The following ZNF264 variants were observed in gnomAD, a reference collection of about 807,000 sequenced individuals.
The protein encoded by ZNF264 is zinc finger protein 264.
ZNF264 carries 11 observed loss-of-function variants against 11.2 expected under a neutral mutation model. The observed-to-expected ratio is 0.98, with a 90% CI of 0.62 to 1.63. The LOEUF (loss-of-function observed/expected upper bound fraction) is 1.63. ZNF264 is among the 40% of genes most tolerant of loss of function. The pLI is 0.00. For synonymous variants in ZNF264, 309 were observed against 279.8 expected, an observed-to-expected ratio of 1.10 and a Z score of -1.04; for missense variants, 752 against 768.1, an observed-to-expected ratio of 0.98 and a Z score of 0.25.
Position 57,213,579 on chromosome 19 carries a change from A to G in ZNF264, c.*598A>G, listed in dbSNP as rs1599956170. 6.6e-6 allele frequency: 1 copy of G among 152,152 alleles called. No homozygotes were observed. Among genetic ancestry groups the G allele is most frequent in the African/African-American group, 2.4e-5 (1 of 41,424 alleles). The allele number at this position is 152,152 out of a possible 1,614,324, so 9.4% of individuals were successfully genotyped here. On this transcript the variant is annotated 3_prime_UTR_variant, in exon 4 of 4. Coordinates refer to ENST00000263095, the MANE Select transcript of ZNF264 (RefSeq NM_003417.5). ...CATTGTAGCCATATGGTAAATTTTT[A>G]TTTGTTAAATTTTTAAAAATTACTT...
At position 57,212,629 on chromosome 19, in the gene ZNF264, A is replaced by G. The variant is rs759169474; in HGVS notation, c.1532A>G (p.Tyr511Cys). ...HKRIHSGEKP[Y>C]ECVECGKSFC... is the part of the protein sequence containing the mutation. Reference sequence around the variant, plus strand: ...CGGATTCATAGTGGAGAGAAGCCCTATGAATGTGTTGAGTGTGGGAAATCG... The same window carrying G: ...CGGATTCATAGTGGAGAGAAGCCCTGTGAATGTGTTGAGTGTGGGAAATCG... Residue 511 changes from tyrosine to cysteine, a missense_variant, in exon 4 of 4, where the codon TAT (tyrosine) becomes TGT (cysteine). Coordinates refer to ENST00000263095, the MANE Select transcript of ZNF264 (RefSeq NM_003417.5). 16 of 1,613,918 alleles carry G rather than the reference A, an allele frequency of 9.9e-6. No homozygotes were observed. The East Asian group carries it at 2.0e-4, about 20-fold the overall frequency.
chr19:57,195,443 C>T (rs761897114), intron 2 of ZNF264, among the ~76,000 whole-genome samples: 2 of 152,228 alleles, frequency 1.3e-5, no homozygotes, highest in East Asian at 1.9e-4. Flanking sequence ...TGACTACCTT[C>T]TTCTCCTGCA....
At chr19:57,199,697 C>G (rs762308369) in intron 2 of ZNF264, among the ~76,000 whole-genome samples, 19 of 151,866 alleles carry the variant, frequency 1.3e-4, no homozygotes, top group Admixed American at 3.9e-4. Context: ...TTAGAAAACT[C>G]AATTCAAGTG....
chr19:57,210,419 TTA>T (rs768198825), intron 3 of ZNF264, among the ~76,000 whole-genome samples: 9 of 152,342 alleles, frequency 5.9e-5, no homozygotes, highest in Non-Finnish European at 1.2e-4. Context: ...AAAACCTGTT[TTA>T]GTTACAGTCA....
Position 57,221,024 on chromosome 19 carries a change from GA to G in ZNF264, c.*8044del, listed in dbSNP as rs1328105458. 6.6e-6 allele frequency: 1 copy of G among 152,224 alleles called. No homozygotes were observed. Among genetic ancestry groups the G allele is most frequent in the African/African-American group, 2.4e-5 (1 of 41,398 alleles). The allele number at this position is 152,224 out of a possible 1,614,324, so 9.4% of individuals were successfully genotyped here. ...GGTGGTACCATGTATGACATACCTT[GA>G]CCTCAAAGATAATCTACCTGGGCTT... On this transcript the variant is annotated 3_prime_UTR_variant, in exon 4 of 4. Transcript: ENST00000263095.
chr19:57,215,362 TTC>T lies in ZNF264; in HGVS notation c.*2383_*2384del, dbSNP rs1272734781. On this transcript the variant is annotated 3_prime_UTR_variant, in exon 4 of 4. Coordinates refer to ENST00000263095, the MANE Select transcript of ZNF264 (RefSeq NM_003417.5). ...ATTCTTTTGATAGCAGGATCTGCAC[TTC>T]TTTTTATTTTTAATATTTAAAATGT... The T allele has an allele frequency of 2.0e-5, 3 of 152,230 alleles. No individual in the cohort carries two copies. Among genetic ancestry groups the T allele is most frequent in the Non-Finnish European group, 2.9e-5 (2 of 68,046 alleles). 9.4% of individuals were successfully genotyped at this position (152,230 alleles called of 1,614,324 possible).
rs145421065 is a variant in ZNF264, at chr19:57,212,552, C to T, written c.1455C>T (p.Cys485=). 6.2e-6 allele frequency: 10 copies of T among 1,613,898 alleles called. No homozygotes were observed. The highest frequency in any genetic ancestry group is 2.7e-5 in the African/African-American group (2 of 74,856). Residue 485 remains cysteine, a synonymous_variant, in exon 4 of 4, where the codon TGC becomes TGT. Coordinates refer to ENST00000263095, the MANE Select transcript of ZNF264 (RefSeq NM_003417.5). ...ACACTGGAGAGAAGCCCTATGAGTG[C>T]GTGGAGTGTGGAAAGGCCTTCACCC... ...SIHTGEKPYE[C]VECGKAFTRM...
At position 57,191,849 on chromosome 19, in the gene ZNF264, A is replaced by T; in HGVS notation, c.-65A>T. On this transcript the variant is annotated 5_prime_UTR_variant, in exon 1 of 4. Coordinates refer to ENST00000263095, the MANE Select transcript of ZNF264 (RefSeq NM_003417.5). ...CGGGCAACCGGCCAGGGTCGGGCAC[A>T]GGTGGGGTCCGTCAGGCCGCCCGGG... The T allele has an allele frequency of 8.1e-7, 1 of 1,230,994 alleles. No homozygotes were observed. The highest frequency in any genetic ancestry group is 1.0e-6 in the Non-Finnish European group (1 of 972,422). 76.3% of individuals were successfully genotyped at this position (1,230,994 alleles called of 1,614,324 possible).
rs202170718 is a variant in ZNF264 at position 57,212,021 on chromosome 19, A to G, written c.924A>G (p.Arg308=). The change falls in exon 4 of 4, where the codon AGA becomes AGG. Residue 308 remains arginine, a synonymous_variant. Coordinates refer to ENST00000263095, the MANE Select transcript of ZNF264 (RefSeq NM_003417.5). ...HRSNFVLHNR[R]HTGEKSFVCT... Reference sequence around the variant, plus strand: ...CCAATTTTGTCTTGCATAACAGGAGACACACTGGAGAAAAATCCTTTGTGT... The same window carrying G: ...CCAATTTTGTCTTGCATAACAGGAGGCACACTGGAGAAAAATCCTTTGTGT... The G allele has an allele frequency of 6.2e-7, 1 of 1,613,366 alleles. No homozygotes were observed. The highest frequency in any genetic ancestry group is 8.5e-7 in the Non-Finnish European group (1 of 1,179,822).
intron 3 of ZNF264, among the ~76,000 whole-genome samples, chr19:57,207,487 C>T (rs899094897): frequency 2.7e-5 from 4 of 150,046 alleles, no homozygotes; most frequent in Admixed American, 6.7e-5. Context: ...TTATATTCTG[C>T]TTGTTTTGTG....
chr19:57,194,296 T>C, intron 2 of ZNF264: 1 of 449,432 alleles, frequency 2.2e-6, no homozygotes. Context: ...GTGTAGGAAC[T>C]GAGAACCACC....
chr19:57,202,870 C>T lies in ZNF264; in HGVS notation c.161-2527C>T, dbSNP rs368502969. 2.7e-4 allele frequency among the ~76,000 whole-genome samples: 41 copies of T among 149,678 alleles called. 1 individual carries two copies. Among genetic ancestry groups the T allele is most frequent in the African/African-American group, 1.0e-3 (39 of 39,154 alleles). Reference sequence around the variant, plus strand: ...CCCATTAGTCAGACATTTTGGAGGCCTGGACTTGTGACTGGAGTGCAGGGT... The same window carrying T: ...CCCATTAGTCAGACATTTTGGAGGCTTGGACTTGTGACTGGAGTGCAGGGT... On this transcript the variant is annotated intron_variant, in intron 2 of 3. Coordinates refer to ENST00000263095, the MANE Select transcript of ZNF264 (RefSeq NM_003417.5).
chr19:57,206,559 T>C (rs1227903931), intron 3 of ZNF264, among the ~76,000 whole-genome samples: 1 of 152,112 alleles, frequency 6.6e-6, no homozygotes, highest in Non-Finnish European at 1.5e-5. Context: ...TTTATGTCAT[T>C]GGGCAGTTTA....
intron 2 of ZNF264, among the ~76,000 whole-genome samples, chr19:57,200,502 C>A (rs370051075): frequency 6.6e-6 from 1 of 150,964 alleles, no homozygotes; most frequent in African/African-American, 2.5e-5. Flanking sequence ...CACCCCACCC[C>A]GACCTTTGGG....
At position 57,215,848 on chromosome 19, in the gene ZNF264, C is replaced by T. The variant is rs1913709162; in HGVS notation, c.*2867C>T. On this transcript the variant is annotated 3_prime_UTR_variant, in exon 4 of 4. Coordinates refer to ENST00000263095, the MANE Select transcript of ZNF264 (RefSeq NM_003417.5). The stretch of plus-strand genomic sequence containing the variant: ...ATTTCTAATTTGTTCCATGTTTGAT[C>T]TGACTGTTTAAATGTGTTAACATTT... The T allele has an allele frequency of 6.6e-6, 1 of 152,116 alleles. No individual in the cohort carries two copies. The highest frequency in any genetic ancestry group is 1.5e-5 in the Non-Finnish European group (1 of 68,022). 9.4% of individuals were successfully genotyped at this position (152,116 alleles called of 1,614,324 possible).
intron 3 of ZNF264, among the ~76,000 whole-genome samples, chr19:57,207,887 C>T (rs957511358): frequency 3.9e-5 from 6 of 152,042 alleles, no homozygotes; most frequent in Non-Finnish European, 7.4e-5. Flanking sequence ...CCACCACGCC[C>T]GGCTTTTTTT....
Position 57,191,924 on chromosome 19 carries a change from C to A in ZNF264, c.11C>A (p.Ala4Glu). The A allele has an allele frequency of 6.6e-7, 1 of 1,523,992 alleles. No individual in the cohort carries two copies. The highest frequency in any genetic ancestry group is 2.6e-5 in the East Asian group (1 of 38,780). The allele number at this position is 1,523,992 out of a possible 1,614,324, so 94.4% of individuals were successfully genotyped here. The change falls in exon 1 of 4, where the codon GCG (alanine) becomes GAG (glutamate). Residue 4 changes from alanine to glutamate, a missense_variant. By Grantham distance (107) the Ala-to-Glu change is moderately radical. Transcript: ENST00000263095. ...CCAGGGGGTGACGTGATGGCGGCAG[C>A]GGTGCTGACGGACCGGGCCCAGGTG... MAA[A>E]VLTDRAQVSV...
rs754324861 is a variant in ZNF264 at position 57,211,904 on chromosome 19, C to T, written c.807C>T (p.Asn269=). 3 of 1,613,522 alleles carry T rather than the reference C, an allele frequency of 1.9e-6. No individual in the cohort carries two copies. The highest frequency in any genetic ancestry group is 1.7e-5 in the Admixed American group (1 of 59,976). Residue 269 remains asparagine, a synonymous_variant, in exon 4 of 4, where the codon AAC becomes AAT. Transcript: ENST00000263095. The part of the protein sequence containing the change: ...YECMECGKAF[N]RKSYLTQHQR... ...GCATGGAGTGTGGAAAGGCCTTCAA[C>T]CGCAAGTCATACCTTACCCAGCACC...
rs978472272 is a variant in ZNF264, at chr19:57,216,808, T to G, written c.*3827T>G. On this transcript the variant is annotated 3_prime_UTR_variant, in exon 4 of 4. Transcript: ENST00000263095. The stretch of plus-strand genomic sequence containing the variant: ...CTTAAATGATTTTTGTGTTCTTTTT[T>G]ATTGTTCCTCTGTTATTTGGGGTTG... 2.0e-5 allele frequency: 3 copies of G among 152,140 alleles called. No homozygotes were observed. Among genetic ancestry groups the G allele is most frequent in the Admixed American group, 6.6e-5 (1 of 15,260 alleles). The allele number at this position is 152,140 out of a possible 1,614,324, so 9.4% of individuals were successfully genotyped here.
Sources: gnomAD v4.1 joint callset for allele counts (sites outside exome capture counted in the v4.1 genomes callset) on GRCh38, gnomAD v4.1.1 for gene constraint, MANE v1.5 for transcripts, NCBI Gene and HGNC (gene_info 2026-07-23, HGNC 2026-07-21) for gene names.